The following GATB variants were observed in gnomAD, a reference collection of about 807,000 sequenced individuals.
The protein encoded by GATB is glutamyl-tRNA(Gln) amidotransferase subunit B, mitochondrial.
In GATB, 39 loss-of-function variants were observed where a neutral mutation model predicts 62.3. That is an observed-to-expected ratio of 0.63 (90% confidence interval 0.48 to 0.82). The LOEUF (loss-of-function observed/expected upper bound fraction) is 0.82, where lower values mean the gene tolerates loss of function less well. Ranked by LOEUF, GATB falls within the 40% of genes least tolerant of loss-of-function variation. The pLI, the probability that GATB is intolerant of heterozygous loss-of-function variation, is 0.00. For synonymous variants in GATB, 276 were observed against 258.9 expected (o/e 1.07, Z -0.63); for missense variants, 670 against 684.0 (o/e 0.98, Z 0.23).
At chr4:151,732,274 TA>T (rs1260033566) in intron 2 of GATB, among the ~76,000 whole-genome samples, 3 of 152,130 alleles carry the variant, frequency 2.0e-5, no homozygotes, top group Non-Finnish European at 2.9e-5. Context: ...TTTTGTGGAA[TA>T]GAAAAGGGGG....
chr4:151,751,383 C>T (rs539957370), intron 2 of GATB, among the ~76,000 whole-genome samples: 1 of 152,252 alleles, frequency 6.6e-6, no homozygotes, highest in Non-Finnish European at 1.5e-5. Flanking sequence ...ATTTACCCAT[C>T]ACCTAATTAA....
Position 151,708,073 on chromosome 4 carries a change from T to G in GATB, c.792A>C (p.Ile264=). The G allele has an allele frequency of 6.2e-7, 1 of 1,613,888 alleles. No individual in the cohort carries two copies. Among genetic ancestry groups the G allele is most frequent in the Non-Finnish European group, 8.5e-7 (1 of 1,179,782 alleles). The change falls in exon 6 of 13, where the codon ATA becomes ATC. Residue 264 remains isoleucine (I), a synonymous_variant. Transcript: ENST00000263985. ...AAGGCTCCCCAGGGTGATGCACGGATATATTGGCATCCACTCTCAACTGGC... is the reference window on the plus strand; with the variant it reads ...AAGGCTCCCCAGGGTGATGCACGGAGATATTGGCATCCACTCTCAACTGGC... ...AEGQLRVDAN[I]SVHHPGEPLG...
intron 9 of GATB, among the ~76,000 whole-genome samples, chr4:151,698,359 G>A (rs1357821157): frequency 1.3e-5 from 2 of 152,268 alleles, no homozygotes; most frequent in South Asian, 2.1e-4. Context: ...AAATTCTGAA[G>A]TTTTTCGTCA....
chr4:151,755,604 C>T (rs2127000970), intron 2 of GATB, among the ~76,000 whole-genome samples: 2 of 152,284 alleles, frequency 1.3e-5, no homozygotes, highest in South Asian at 4.1e-4. Context: ...TTCTCCCCAA[C>T]CCAAGGACAA....
intron 2 of GATB, chr4:151,722,243 T>C (rs1739046465): frequency 1.4e-6 from 1 of 702,318 alleles, no homozygotes; most frequent in Non-Finnish European, 2.6e-6. Flanking sequence ...TAAATGTCTA[T>C]AAAGCACTAA....
intron 9 of GATB, among the ~76,000 whole-genome samples, chr4:151,692,113 T>A (rs1449773841): frequency 6.6e-6 from 1 of 152,192 alleles, no homozygotes; most frequent in Non-Finnish European, 1.5e-5. Context: ...GTCTACGCAC[T>A]CTCTCCACAT....
chr4:151,756,719 G>T (rs548909396), intron 2 of GATB, among the ~76,000 whole-genome samples: 40 of 152,286 alleles, frequency 2.6e-4, no homozygotes, highest in Non-Finnish European at 4.4e-4. Context: ...CAGTGAACAA[G>T]CACCTTCTTT....
At chr4:151,740,994 G>C (rs181013102) in intron 2 of GATB, among the ~76,000 whole-genome samples, 49 of 152,108 alleles carry the variant, frequency 3.2e-4, no homozygotes, top group Non-Finnish European at 2.9e-5. Context: ...TTGGTAATGT[G>C]TTCATACTTT....
intron 5 of GATB, among the ~76,000 whole-genome samples, chr4:151,710,820 G>A (rs1232240384): frequency 6.6e-6 from 1 of 152,148 alleles, no homozygotes; most frequent in Non-Finnish European, 1.5e-5. Context: ...GACGGATACA[G>A]TTTTAAATAC....
At chr4:151,682,994 G>A (rs967842682) in intron 10 of GATB, among the ~76,000 whole-genome samples, 1 of 151,974 alleles carries the variant, frequency 6.6e-6, no homozygotes, top group African/African-American at 2.4e-5. Context: ...ACTTTCTAGG[G>A]CACTCTCCTC....
At chr4:151,736,785 G>A (rs1242858789) in intron 2 of GATB, among the ~76,000 whole-genome samples, 1 of 152,166 alleles carries the variant, frequency 6.6e-6, no homozygotes, top group Non-Finnish European at 1.5e-5. Flanking sequence ...TCTTTCCGGT[G>A]CTGTTCTCGT....
intron 2 of GATB, chr4:151,722,502 C>A: frequency 2.6e-6 from 1 of 386,334 alleles, no homozygotes; most frequent in Non-Finnish European, 4.6e-6. Flanking sequence ...TCATCTACCA[C>A]CATGTCCCCC....
intron 2 of GATB, among the ~76,000 whole-genome samples, chr4:151,751,257 A>T (rs1248126774): frequency 1.3e-5 from 2 of 152,242 alleles, no homozygotes; most frequent in Non-Finnish European, 2.9e-5. Flanking sequence ...AGGCTGAGAA[A>T]CCAGTACAGG....
At chr4:151,686,647 G>GCCCCA (rs1560843430) in intron 10 of GATB, among the ~76,000 whole-genome samples, 2 of 51,236 alleles carry the variant, frequency 3.9e-5, no homozygotes, top group Non-Finnish European at 7.4e-5. Flanking sequence ...ACCAGTCCCC[G>GCCCCA]CCCCGCCCCC....
intron 9 of GATB, among the ~76,000 whole-genome samples, chr4:151,696,536 C>A (rs1355374808): frequency 6.6e-6 from 1 of 152,186 alleles, no homozygotes; most frequent in African/African-American, 2.4e-5. Context: ...GCCTTGAAGT[C>A]AGCATGATCT....
intron 10 of GATB, among the ~76,000 whole-genome samples, chr4:151,686,729 C>G (rs1020138348): frequency 6.9e-6 from 1 of 144,820 alleles, no homozygotes; most frequent in Non-Finnish European, 1.5e-5. Flanking sequence ...TCTCTGTGCA[C>G]GCTTCCCAGT....
At chr4:151,751,730 T>G (rs7684350) in intron 2 of GATB, among the ~76,000 whole-genome samples, 84,735 of 151,990 alleles carry the variant, frequency 0.56, 25,050 homozygotes, top group African/African-American at 0.77. Context: ...TTTCCTTTCT[T>G]GAACATTTTG....
chr4:151,681,159 T>C (rs956505495), intron 10 of GATB, among the ~76,000 whole-genome samples: 1 of 152,230 alleles, frequency 6.6e-6, no homozygotes, highest in Non-Finnish European at 1.5e-5. Flanking sequence ...CCTATGCCGA[T>C]TTCCCGGGCT....
Position 151,673,255 on chromosome 4 carries a change from C to T in GATB, c.1411-359G>A, listed in dbSNP as rs6813516. ...GTCCTGCCCGGCTGACTCCACATGG[C>T]GGGGGGGGGCCGCGGGAGGCGTGGA... On this transcript the variant is annotated intron_variant, in intron 11 of 12. Coordinates refer to ENST00000263985, the MANE Select transcript of GATB (RefSeq NM_004564.3). 8.5e-4 allele frequency: 120 copies of T among 140,572 alleles called. 2 individuals carry two copies. Among genetic ancestry groups the T allele is most frequent in the African/African-American group, 3.2e-3 (107 of 33,748 alleles). The allele number at this position is 140,572 out of a possible 1,614,324, so 8.7% of individuals were successfully genotyped here. A position where few individuals can be genotyped will look rare whatever the true frequency, so the allele number is the denominator to read the frequency against.
Sources: allele counts gnomAD v4.1 joint callset (sites outside exome capture counted in the v4.1 genomes callset), GRCh38; gene constraint gnomAD v4.1.1; transcripts MANE v1.5; gene names NCBI Gene and HGNC (gene_info 2026-07-23, HGNC 2026-07-21).